CPM: variants seen among roughly 807,000 people sequenced by gnomAD.
CPM encodes carboxypeptidase M.
In CPM, 35 loss-of-function variants were observed where a neutral mutation model predicts 46.4. The observed-to-expected ratio is 0.75, with a 90% CI of 0.58 to 1.00. The LOEUF is 1.00. CPM is among the 50% of genes least tolerant of loss of function. The pLI, the probability that CPM is intolerant of heterozygous loss-of-function variation, is 0.00. For missense variants in CPM, 422 were observed against 530.4 expected, an observed-to-expected ratio of 0.80 and a Z score of 2.01; for synonymous variants, 195 against 195.3, an observed-to-expected ratio of 1.00 and a Z score of 0.01.
At chr12:68,861,818 G>A (rs1238918005) in intron 7 of CPM, among the ~76,000 whole-genome samples, 1 of 148,894 alleles carries the variant, frequency 6.7e-6, no homozygotes, top group African/African-American at 2.5e-5. Flanking sequence ...GTGAGCCATC[G>A]CGCCCGGCTA....
upstream of CPM, among the ~76,000 whole-genome samples, chr12:68,963,451 C>G (rs12812500): frequency 0.2 from 31,168 of 152,162 alleles, 4,057 homozygotes; most frequent in Middle Eastern, 0.33. Flanking sequence ...TGTTATTTCT[C>G]CTACTAGTCT....
At chr12:68,926,956 T>A (rs1014137200) in intron 2 of CPM, among the ~76,000 whole-genome samples, 1 of 152,222 alleles carries the variant, frequency 6.6e-6, no homozygotes, top group African/African-American at 2.4e-5. Flanking sequence ...CTTAATCCAG[T>A]CTATCGTTGT....
chr12:68,918,267 T>G (rs1412425731), intron 2 of CPM, among the ~76,000 whole-genome samples: 1 of 152,174 alleles, frequency 6.6e-6, no homozygotes, highest in East Asian at 1.9e-4. Flanking sequence ...ATTCTGGCCT[T>G]CTTTTCTTTA....
chr12:68,942,898 C>G (rs1159259714), intron 1 of CPM, among the ~76,000 whole-genome samples: 1 of 152,132 alleles, frequency 6.6e-6, no homozygotes, highest in Non-Finnish European at 1.5e-5. Flanking sequence ...CCAGTATGCC[C>G]TAACACATCA....
intron 2 of CPM, among the ~76,000 whole-genome samples, chr12:68,907,898 G>C (rs891886360): frequency 1.3e-5 from 2 of 152,018 alleles, no homozygotes; most frequent in Non-Finnish European, 2.9e-5. Context: ...GTACGATCTG[G>C]GCTCATTGCA....
rs552984504 is a variant in CPM at position 68,962,154 on chromosome 12, A to C, written c.-4+1015T>G. On this transcript the variant is annotated intron_variant, in intron 1 of 8. Coordinates refer to the CPM transcript ENST00000546373. The stretch of plus-strand genomic sequence containing the variant: ...GGCGGAGCTTGCAGTGAGCCAAGAT[A>C]GCGCCACTGCACTCCAGCCTGGGCG... Among the ~76,000 whole-genome samples, 42 of 150,738 alleles carry C rather than the reference A, an allele frequency of 2.8e-4. No homozygotes were observed. In the East Asian group the frequency reaches 4.7e-3, roughly 17 times the overall value.
chr12:68,868,738 G>A (rs186022121), intron 6 of CPM, among the ~76,000 whole-genome samples: 59 of 152,158 alleles, frequency 3.9e-4, no homozygotes, highest in African/African-American at 1.1e-3. Flanking sequence ...TGTTGAGCCC[G>A]CAAAATGGCT....
At chr12:68,900,506 A>G (rs1302714572) in intron 2 of CPM, among the ~76,000 whole-genome samples, 2 of 152,240 alleles carry the variant, frequency 1.3e-5, no homozygotes, top group African/African-American at 4.8e-5. Context: ...CTCTTGCCAT[A>G]TGATCCAGCA....
At chr12:68,917,562 A>C (rs1397013337) in intron 2 of CPM, among the ~76,000 whole-genome samples, 1 of 152,180 alleles carries the variant, frequency 6.6e-6, no homozygotes, top group East Asian at 1.9e-4. Flanking sequence ...AGTATGTTTT[A>C]CTCAGTTCTT....
At chr12:68,945,373 A>T (rs888532441) in intron 1 of CPM, among the ~76,000 whole-genome samples, 2 of 152,142 alleles carry the variant, frequency 1.3e-5, no homozygotes, top group Non-Finnish European at 2.9e-5. Context: ...GTCAAGTTAG[A>T]CTTTTCTTGC....
chr12:68,911,179 A>G (rs1887581016), intron 2 of CPM, among the ~76,000 whole-genome samples: 1 of 152,218 alleles, frequency 6.6e-6, no homozygotes, highest in Non-Finnish European at 1.5e-5. Context: ...CACGGCTTCA[A>G]TGTTAGTTCA....
intron 2 of CPM, among the ~76,000 whole-genome samples, chr12:68,908,777 G>A (rs1887457676): frequency 6.6e-6 from 1 of 152,056 alleles, no homozygotes; most frequent in African/African-American, 2.4e-5. Context: ...TGACGAATAC[G>A]ATCTCATAAA....
intron 1 of CPM, among the ~76,000 whole-genome samples, chr12:68,958,567 G>T (rs1889062988): frequency 6.6e-6 from 1 of 151,954 alleles, no homozygotes; most frequent in Admixed American, 6.6e-5. Context: ...CCATCACCAA[G>T]ATACCTCCTA....
At position 68,932,824 on chromosome 12, in the gene CPM, C is replaced by T. The variant is rs1347272115; in HGVS notation, c.14G>A (p.Cys5Tyr). The part of the protein sequence containing the change: MDFP[C>Y]LWLGLLLPLV... Reference sequence around the variant, plus strand: ...AGGCAGCAACAGCCCTAGCCAGAGGCACGGGAAGTCCATGTTCTAGAGATG... The same window carrying T: ...AGGCAGCAACAGCCCTAGCCAGAGGTACGGGAAGTCCATGTTCTAGAGATG... The change falls in exon 2 of 9, where the codon TGC becomes TAC. Residue 5 changes from cysteine to tyrosine, a missense_variant. By Grantham distance (194) the Cys-to-Tyr change is radical (BLOSUM62 -2). Coordinates refer to ENST00000551568, the MANE Select transcript of CPM (RefSeq NM_198320.5). 3 of 1,613,998 alleles carry T rather than the reference C, an allele frequency of 1.9e-6. No individual in the cohort carries two copies. The highest frequency in any genetic ancestry group is 3.3e-5 in the Admixed American group (2 of 60,004).
At chr12:68,919,838 A>G (rs1342738660) in intron 2 of CPM, among the ~76,000 whole-genome samples, 14 of 152,244 alleles carry the variant, frequency 9.2e-5, no homozygotes, top group Admixed American at 4.6e-4. Flanking sequence ...CCAATTGAAC[A>G]ATCTTTATCT....
chr12:68,935,148 G>A (rs371471728), upstream of CPM, among the ~76,000 whole-genome samples: 353 of 152,222 alleles, frequency 2.3e-3, 3 homozygotes, highest in African/African-American at 8.0e-3. Context: ...GACCTCGGGC[G>A]ATCTGCCTGC....
chr12:68,943,597 C>T (rs12322212), intron 1 of CPM, among the ~76,000 whole-genome samples: 5,214 of 152,270 alleles, frequency 0.034, 150 homozygotes, highest in East Asian at 0.081. Flanking sequence ...CTCTTAAACT[C>T]ATGGTCTTTG....
chr12:68,931,520 G>A (rs1888498503), intron 2 of CPM, among the ~76,000 whole-genome samples: 1 of 151,902 alleles, frequency 6.6e-6, no homozygotes, highest in Non-Finnish European at 1.5e-5. Context: ...CGAAGCAGGA[G>A]GATCACAAGG....
chr12:68,885,702 A>T, intron 3 of CPM, 90 bp downstream of exon 3: 1 of 1,056,916 alleles, frequency 9.5e-7, no homozygotes, highest in Non-Finnish European at 1.4e-6. Flanking sequence ...AGACTTCTCC[A>T]GGCTTCCTCG....
Sources: gnomAD v4.1 joint callset for allele counts (sites outside exome capture counted in the v4.1 genomes callset) on GRCh38, gnomAD v4.1.1 for gene constraint, MANE v1.5 for transcripts, NCBI Gene and HGNC (gene_info 2026-07-23, HGNC 2026-07-21) for gene names.